Variants in LRP1B observed in about 807,000 individuals in gnomAD.
The protein encoded by LRP1B is low-density lipoprotein receptor-related protein 1B.
In LRP1B, 217 loss-of-function variants were observed where a neutral mutation model predicts 556.6. That is an observed-to-expected ratio of 0.39 (90% CI 0.35 to 0.44). The LOEUF (loss-of-function observed/expected upper bound fraction) is 0.44. Ranked by LOEUF, LRP1B falls within the 20% of genes least tolerant of loss-of-function variation. The pLI is 1.00. For missense variants in LRP1B, 5,053 were observed against 5,620.8 expected (o/e 0.90, Z 3.23); for synonymous variants, 2,047 against 1,865.8 (o/e 1.10, Z -2.50).
intron 43 of LRP1B, among the ~76,000 whole-genome samples, chr2:140,562,260 A>G (rs1680958938): frequency 6.6e-6 from 1 of 152,172 alleles, no homozygotes; most frequent in Non-Finnish European, 1.5e-5. Context: ...TTGACTGAAT[A>G]TTTGATAAAT....
intron 6 of LRP1B, among the ~76,000 whole-genome samples, chr2:141,202,887 C>T (rs892633834): frequency 6.6e-6 from 1 of 151,924 alleles, no homozygotes; most frequent in Non-Finnish European, 1.5e-5. Context: ...CTAACCCCCA[C>T]CCCCCGACAG....
At chr2:140,668,136 C>A (rs1685344967) in intron 41 of LRP1B, among the ~76,000 whole-genome samples, 2 of 151,638 alleles carry the variant, frequency 1.3e-5, no homozygotes, top group South Asian at 2.1e-4. Context: ...CATGGTGAAA[C>A]CCCGTCTCTA....
chr2:141,908,880 C>T (rs1699830053), intron 1 of LRP1B, among the ~76,000 whole-genome samples: 1 of 151,988 alleles, frequency 6.6e-6, no homozygotes, highest in African/African-American at 2.4e-5. Flanking sequence ...TGAATTTGAG[C>T]AAGCCATTGA....
At chr2:141,931,502 C>A (rs1390533711) in intron 1 of LRP1B, among the ~76,000 whole-genome samples, 1 of 151,982 alleles carries the variant, frequency 6.6e-6, no homozygotes, top group African/African-American at 2.4e-5. Context: ...CTAAGATTAG[C>A]ATCATCAATT....
chr2:141,292,454 A>G (rs1213931125), intron 3 of LRP1B, among the ~76,000 whole-genome samples: 1 of 152,190 alleles, frequency 6.6e-6, no homozygotes, highest in African/African-American at 2.4e-5. Flanking sequence ...TAGCTGGGGA[A>G]TAAAGAGAAG....
intron 3 of LRP1B, among the ~76,000 whole-genome samples, chr2:141,437,111 T>C (rs1680791011): frequency 6.6e-6 from 1 of 152,042 alleles, no homozygotes; most frequent in African/African-American, 2.4e-5. Context: ...TTTAAACCTT[T>C]CTCCCCTGGC....
At chr2:141,212,468 T>C (rs1019770319) in intron 6 of LRP1B, among the ~76,000 whole-genome samples, 8 of 150,076 alleles carry the variant, frequency 5.3e-5, no homozygotes, top group African/African-American at 1.7e-4. Flanking sequence ...TGTATTTTAG[T>C]AGGGACAGAG....
chr2:140,657,821 T>C (rs1202765633), intron 41 of LRP1B, among the ~76,000 whole-genome samples: 1 of 151,910 alleles, frequency 6.6e-6, no homozygotes, highest in Non-Finnish European at 1.5e-5. Flanking sequence ...TGTTAAAATA[T>C]TTACTGATGT....
At chr2:140,680,834 C>G (rs896230024) in intron 41 of LRP1B, among the ~76,000 whole-genome samples, 4 of 152,068 alleles carry the variant, frequency 2.6e-5, no homozygotes, top group African/African-American at 9.7e-5. Flanking sequence ...TTTTGTGATG[C>G]CATAGGCAAG....
At chr2:141,820,967 G>T (rs1359255036) in intron 1 of LRP1B, among the ~76,000 whole-genome samples, 1 of 152,188 alleles carries the variant, frequency 6.6e-6, no homozygotes, top group Admixed American at 6.5e-5. Context: ...GATTATCCTA[G>T]ATTATCCTAG....
At chr2:140,429,821 CA>C (rs1469068645) in intron 66 of LRP1B, among the ~76,000 whole-genome samples, 1 of 152,158 alleles carries the variant, frequency 6.6e-6, no homozygotes, top group Admixed American at 6.5e-5. Flanking sequence ...TGGACACCCT[CA>C]AAATCACAAA....
At chr2:141,336,806 G>A (rs1442690492) in intron 3 of LRP1B, among the ~76,000 whole-genome samples, 9 of 152,126 alleles carry the variant, frequency 5.9e-5, no homozygotes, top group Admixed American at 5.2e-4. Context: ...AAAGTATGCA[G>A]TATAAAACTT....
chr2:141,837,555 C>G (rs1697328230), intron 1 of LRP1B, among the ~76,000 whole-genome samples: 1 of 152,000 alleles, frequency 6.6e-6, no homozygotes, highest in Non-Finnish European at 1.5e-5. Flanking sequence ...ATTATCTTTA[C>G]ATTTCACCCA....
At chr2:141,213,707 C>T (rs560655840) in intron 6 of LRP1B, among the ~76,000 whole-genome samples, 63 of 152,312 alleles carry the variant, frequency 4.1e-4, no homozygotes, top group Middle Eastern at 3.4e-3. Flanking sequence ...TATGCACATG[C>T]TTCTGTATAT....
chr2:141,136,595 T>C (rs1701498431), intron 7 of LRP1B, among the ~76,000 whole-genome samples: 1 of 138,810 alleles, frequency 7.2e-6, no homozygotes, highest in Non-Finnish European at 1.5e-5. Context: ...TACCAGGCAA[T>C]ATACATAGTG....
intron 7 of LRP1B, among the ~76,000 whole-genome samples, chr2:141,068,442 T>G (rs1298532198): frequency 2.6e-5 from 4 of 151,374 alleles, no homozygotes; most frequent in Non-Finnish European, 4.4e-5. Context: ...GGACCAGGTG[T>G]GATGTTTGCA....
At chr2:140,624,989 C>G (rs1297608822) in intron 41 of LRP1B, among the ~76,000 whole-genome samples, 1 of 151,970 alleles carries the variant, frequency 6.6e-6, no homozygotes, top group Admixed American at 6.6e-5. Flanking sequence ...ACAAGGAGGC[C>G]AGGAGCCGGG....
rs1183652861 is a variant in LRP1B at position 141,453,735 on chromosome 2, T to C, written c.343+26661A>G. On this transcript the variant is annotated intron_variant, in intron 3 of 90. Coordinates refer to ENST00000389484, the MANE Select transcript of LRP1B (RefSeq NM_018557.3). ...GAGTTTGAGACCAGCCTGGCCAAAA[T>C]GACAAAACCCTGTCTCTACTGAGAA... is the stretch of plus-strand genomic sequence containing the variant. 4.6e-5 allele frequency among the ~76,000 whole-genome samples: 7 copies of C among 152,048 alleles called. No homozygotes were observed. In the East Asian group the frequency reaches 5.8e-4, roughly 13 times the overall value.
At chr2:142,106,572 T>C (rs1398027328) in intron 1 of LRP1B, among the ~76,000 whole-genome samples, 1 of 152,176 alleles carries the variant, frequency 6.6e-6, no homozygotes, top group East Asian at 1.9e-4. Flanking sequence ...TCTATGTCAT[T>C]AAGATATAAA....
Sources: gnomAD v4.1 joint callset for allele counts (sites outside exome capture counted in the v4.1 genomes callset) on GRCh38, gnomAD v4.1.1 for gene constraint, MANE v1.5 for transcripts, NCBI Gene and HGNC (gene_info 2026-07-23, HGNC 2026-07-21) for gene names.